Variants in RNF149 observed in about 807,000 individuals in gnomAD.
RNF149 encodes ring finger protein 149.
RNF149 carries 21 observed loss-of-function variants against 39.0 expected under a neutral mutation model. The ratio of observed to expected loss-of-function variants is 0.54; its 90% CI spans 0.38 to 0.77. The LOEUF is 0.77. Ranked by LOEUF, RNF149 falls within the 30% of genes least tolerant of loss-of-function variation. RNF149 has a pLI of 0.00. For synonymous variants in RNF149, 209 were observed against 213.6 expected (o/e 0.98, Z 0.19); for missense variants, 493 against 534.9 (o/e 0.92, Z 0.77).
At chr2:101,271,794 TA>T (rs1682138464), downstream of RNF149, 3 of 152,196 alleles carry the variant, frequency 2.0e-5, no homozygotes, top group Admixed American at 2.0e-4. Flanking sequence ...AGAAAGCAGT[TA>T]TTTCAAAAGA....
chr2:101,274,054 T>C (rs1360633406), downstream of RNF149, among the ~76,000 whole-genome samples: 4 of 152,268 alleles, frequency 2.6e-5, no homozygotes, highest in East Asian at 7.7e-4. Context: ...AGTATTTTTT[T>C]TTTTTTTTTA....
At chr2:101,281,567 T>A in intron 6 of RNF149, 2 of 356,760 alleles carry the variant, frequency 5.6e-6, no homozygotes, top group Non-Finnish European at 1.1e-5. Context: ...AGTGACAGGA[T>A]CATAGCTCAC....
At chr2:101,302,396 G>A (rs1390083376) in intron 1 of RNF149, among the ~76,000 whole-genome samples, 2 of 152,148 alleles carry the variant, frequency 1.3e-5, no homozygotes, top group African/African-American at 2.4e-5. Context: ...GAAATCTGAA[G>A]CCATTATGCA....
In RNF149 at chr2:101,282,003, C is replaced by T. The variant is rs749488097; in HGVS notation, c.1015G>A (p.Asp339Asn). ...GCTAGACTCAAATTTGCAGCTGGAT[C>T]CCTTCCAGGAGGAGATTCTGGAGCA... ...MPAPESPPGR[D>N]PAANLSLALP... The change falls in exon 6 of 7, where the codon GAT becomes AAT. Residue 339 changes from aspartate to asparagine, a missense_variant. Physicochemically the swap from Asp to Asn is conservative, Grantham distance 23 (BLOSUM62 1). Transcript: ENST00000295317. The T allele has an allele frequency of 6.2e-7, 1 of 1,614,096 alleles. No homozygotes were observed. The highest frequency in any genetic ancestry group is 8.5e-7 in the Non-Finnish European group (1 of 1,180,020).
At position 101,276,798 on chromosome 2, in the gene RNF149, TC is replaced by T; in HGVS notation, c.*439del. 1 of 988,866 alleles carries T rather than the reference TC, an allele frequency of 1.0e-6. No homozygotes were observed. The highest frequency in any genetic ancestry group is 1.2e-6 in the Non-Finnish European group (1 of 831,872). 61.3% of individuals were successfully genotyped at this position (988,866 alleles called of 1,614,324 possible). A position where few individuals can be genotyped will look rare whatever the true frequency, so the allele number is the denominator to read the frequency against. The stretch of plus-strand genomic sequence containing the variant: ...AAAAAAAAACAACAAAAAAAACCTT[TC>T]CTCCAGGGAAAGCCCATGAGATCAA... On this transcript the variant is annotated 3_prime_UTR_variant, in exon 7 of 7. Coordinates refer to ENST00000295317, the MANE Select transcript of RNF149 (RefSeq NM_173647.4).
Position 101,286,033 on chromosome 2 carries a change from C to A in RNF149, c.960+48G>T, listed in dbSNP as rs369893283. The A allele has an allele frequency of 3.3e-5, 36 of 1,078,194 alleles. No individual in the cohort carries two copies. In the African/African-American group the frequency reaches 5.3e-4, roughly 16 times the overall value. 66.8% of individuals were successfully genotyped at this position (1,078,194 alleles called of 1,614,324 possible). On this transcript the variant is annotated intron_variant, in intron 5 of 6. Coordinates refer to ENST00000295317, the MANE Select transcript of RNF149 (RefSeq NM_173647.4). Reference sequence around the variant, plus strand: ...TAGTCAATAATGAAACTGAATCACTCAGGAAGAACTGGGGCAGAGATTGAA... The same window carrying A: ...TAGTCAATAATGAAACTGAATCACTAAGGAAGAACTGGGGCAGAGATTGAA...
downstream of RNF149, among the ~76,000 whole-genome samples, chr2:101,275,109 C>CTTTTTTTTTTTTTT (rs1323054424): frequency 1.2e-5 from 1 of 82,446 alleles, no homozygotes; most frequent in Non-Finnish European, 2.4e-5. Flanking sequence ...CCTAGTATTT[C>CTTTTTTTTTTTTTT]TGTTTTTTTT....
chr2:101,284,446 T>G (rs1372546595), intron 5 of RNF149, among the ~76,000 whole-genome samples: 1 of 152,108 alleles, frequency 6.6e-6, no homozygotes, highest in Non-Finnish European at 1.5e-5. Flanking sequence ...CTGGGTGTAC[T>G]GGAGTGCAGG....
chr2:101,282,735 T>A (rs565481614), intron 5 of RNF149, among the ~76,000 whole-genome samples: 1 of 152,272 alleles, frequency 6.6e-6, no homozygotes, highest in African/African-American at 2.4e-5. Context: ...AAGTGACTTA[T>A]TAGATGAGGG....
Position 101,275,838 on chromosome 2 carries a change from A to G in RNF149, c.*1400T>C. 1 of 981,066 alleles carries G rather than the reference A, an allele frequency of 1.0e-6. No homozygotes were observed. The highest frequency in any genetic ancestry group is 1.7e-5 in the African/African-American group (1 of 57,286). 60.8% of individuals were successfully genotyped at this position (981,066 alleles called of 1,614,324 possible). A position where few individuals can be genotyped will look rare whatever the true frequency, so the allele number is the denominator to read the frequency against. Reference sequence around the variant, plus strand: ...TAATAAACTACAGAAGGTAGATTTCAAAGGTAATGGCTGTTATGGAAACCT... The same window carrying G: ...TAATAAACTACAGAAGGTAGATTTCGAAGGTAATGGCTGTTATGGAAACCT... On this transcript the variant is annotated 3_prime_UTR_variant, in exon 7 of 7. Transcript: ENST00000295317.
rs909167919 is a variant in RNF149, at chr2:101,282,153, G to A, written c.961-96C>T. 25 of 1,495,256 alleles carry A rather than the reference G, an allele frequency of 1.7e-5. No individual in the cohort carries two copies. In the African/African-American group the frequency reaches 2.1e-4, roughly 13 times the overall value. The allele number at this position is 1,495,256 out of a possible 1,614,324, so 92.6% of individuals were successfully genotyped here. A position where few individuals can be genotyped will look rare whatever the true frequency, so the allele number is the denominator to read the frequency against. Reference sequence around the variant, plus strand: ...GCTCGTAATTCACACACAATATTACGTACTTCTGTACAATGAATCTGGCAA... The same window carrying A: ...GCTCGTAATTCACACACAATATTACATACTTCTGTACAATGAATCTGGCAA... On this transcript the variant is annotated intron_variant, in intron 5 of 6. Coordinates refer to ENST00000295317, the MANE Select transcript of RNF149 (RefSeq NM_173647.4).
intron 4 of RNF149, among the ~76,000 whole-genome samples, chr2:101,287,478 T>C (rs1202611982): frequency 3.3e-5 from 5 of 152,336 alleles, no homozygotes; most frequent in Middle Eastern, 3.4e-3. Context: ...AATGTGCACA[T>C]GCACCTGTGT....
Position 101,308,493 on chromosome 2 carries a change from G to C in RNF149, c.96C>G (p.Gly32=). 1 of 1,610,422 alleles carries C rather than the reference G, an allele frequency of 6.2e-7. No individual in the cohort carries two copies. Among genetic ancestry groups the C allele is most frequent in the Non-Finnish European group, 8.5e-7 (1 of 1,179,084 alleles). ...ALALCVPGAR[G]RALEWFSAVV... ...CGGCCGAGAACCACTCGAGAGCCCG[G>C]CCCCGGGCCCCGGGCACGCACAGGG... The change falls in exon 1 of 7, where the codon GGC becomes GGG. Residue 32 remains glycine (G), a synonymous_variant. Coordinates refer to ENST00000295317, the MANE Select transcript of RNF149 (RefSeq NM_173647.4).
chr2:101,290,773 G>A (rs1021753645), intron 3 of RNF149, among the ~76,000 whole-genome samples: 1 of 152,148 alleles, frequency 6.6e-6, no homozygotes, highest in Non-Finnish European at 1.5e-5. Context: ...AAAAAGTGCT[G>A]GGGAGAAAGT....
At chr2:101,280,479 C>T (rs1682538735) in intron 6 of RNF149, among the ~76,000 whole-genome samples, 5 of 151,948 alleles carry the variant, frequency 3.3e-5, no homozygotes, top group Admixed American at 3.3e-4. Context: ...AAATACAAAA[C>T]CCACAAATAC....
intron 4 of RNF149, among the ~76,000 whole-genome samples, chr2:101,287,146 A>G (rs1323595296): frequency 6.6e-6 from 1 of 150,918 alleles, no homozygotes; most frequent in African/African-American, 2.4e-5. Context: ...ACATGGTGAA[A>G]CCCGCTCTAC....
chr2:101,271,274 T>G (rs988268775), downstream of RNF149: 2 of 152,244 alleles, frequency 1.3e-5, no homozygotes, highest in Non-Finnish European at 2.9e-5. Flanking sequence ...ATAGTGGTTA[T>G]ATTTATAGAA....
intron 6 of RNF149, among the ~76,000 whole-genome samples, chr2:101,278,546 A>G (rs1682439399): frequency 6.6e-6 from 1 of 152,212 alleles, no homozygotes; most frequent in South Asian, 2.1e-4. Context: ...ATTTGTATTT[A>G]CTGTTTAAAT....
In RNF149 at chr2:101,286,074, A is replaced by C; in HGVS notation, c.960+7T>G. ...AGAGATTGAATATAAACAAAAATGT[A>C]ACAAACCCAATATCCTAGGGCTTTG... On this transcript the variant is annotated splice_region_variant and intron_variant, in intron 5 of 6. Coordinates refer to ENST00000295317, the MANE Select transcript of RNF149 (RefSeq NM_173647.4). The C allele has an allele frequency of 6.4e-7, 1 of 1,564,302 alleles. No homozygotes were observed. The highest frequency in any genetic ancestry group is 8.8e-7 in the Non-Finnish European group (1 of 1,137,940).
Sources: gnomAD v4.1 joint callset for allele counts (sites outside exome capture counted in the v4.1 genomes callset) on GRCh38, gnomAD v4.1.1 for gene constraint, MANE v1.5 for transcripts, NCBI Gene and HGNC (gene_info 2026-07-23, HGNC 2026-07-21) for gene names.